Variants in WDR70 observed in about 807,000 individuals in gnomAD.
WDR70 encodes WD repeat domain 70.
In WDR70, 53 loss-of-function variants were observed where a neutral mutation model predicts 88.6. The ratio of observed to expected loss-of-function variants is 0.60; its 90% CI spans 0.48 to 0.75. The LOEUF is 0.75. Among genes scored for constraint, WDR70 ranks in the 30% least tolerant of loss-of-function variants. WDR70 has a pLI of 0.00. For synonymous variants in WDR70, 280 were observed against 270.0 expected, an observed-to-expected ratio of 1.04 and a Z score of -0.36; for missense variants, 610 against 823.2, an observed-to-expected ratio of 0.74 and a Z score of 3.17.
At chr5:37,746,331 T>G (rs934617546) in intron 17 of WDR70, among the ~76,000 whole-genome samples, 7 of 152,082 alleles carry the variant, frequency 4.6e-5, no homozygotes, top group African/African-American at 1.4e-4. Context: ...GCTAGAAAGA[T>G]CTCAAAACGA....
At chr5:37,603,873 A>G (rs930766752) in intron 9 of WDR70, among the ~76,000 whole-genome samples, 1 of 152,208 alleles carries the variant, frequency 6.6e-6, no homozygotes, top group African/African-American at 2.4e-5. Flanking sequence ...AAATTCTCTC[A>G]TCAAATAATA....
At chr5:37,750,579 A>G (rs1748775902) in intron 17 of WDR70, among the ~76,000 whole-genome samples, 1 of 152,128 alleles carries the variant, frequency 6.6e-6, no homozygotes, top group Non-Finnish European at 1.5e-5. Flanking sequence ...CCCAAATCTC[A>G]TCTTGAATTG....
intron 7 of WDR70, among the ~76,000 whole-genome samples, chr5:37,455,216 C>G (rs972924127): frequency 6.7e-6 from 1 of 150,176 alleles, no homozygotes; most frequent in African/African-American, 2.4e-5. Flanking sequence ...CTATTTAAGA[C>G]TATCACCTGT....
chr5:37,593,206 G>A (rs188228114), intron 9 of WDR70, among the ~76,000 whole-genome samples: 4 of 152,056 alleles, frequency 2.6e-5, no homozygotes, highest in East Asian at 1.9e-4. Flanking sequence ...CGTGCACAAC[G>A]TGCAGGTTTG....
chr5:37,688,731 A>G (rs1439967857), intron 10 of WDR70, among the ~76,000 whole-genome samples: 2 of 106,786 alleles, frequency 1.9e-5, no homozygotes, highest in Non-Finnish European at 4.4e-5. Context: ...ATGGCCAAAT[A>G]GGAACAGCTC....
chr5:37,603,374 A>G (rs990166346), intron 9 of WDR70, among the ~76,000 whole-genome samples: 38 of 152,236 alleles, frequency 2.5e-4, no homozygotes, highest in African/African-American at 9.2e-4. Context: ...CAGTCTCTTC[A>G]GTAAATGGTG....
chr5:37,530,336 A>C lies in WDR70; in HGVS notation c.917+13746A>C, dbSNP rs186520973. Reference sequence around the variant, plus strand: ...CCTGCTTCATAGAGTGATTTAGGGAAGATTCCCTCTTTCTCTATCCTGTGG... The same window carrying C: ...CCTGCTTCATAGAGTGATTTAGGGACGATTCCCTCTTTCTCTATCCTGTGG... On this transcript the variant is annotated intron_variant, in intron 9 of 17. Transcript: ENST00000265107. Among the ~76,000 whole-genome samples, 25 of 152,210 alleles carry C rather than the reference A, an allele frequency of 1.6e-4. 1 individual carries two copies. In the East Asian group the frequency reaches 4.0e-3, roughly 25 times the overall value.
rs183551964 is a variant in WDR70, at chr5:37,589,533, C to T, written c.918-15531C>T. On this transcript the variant is annotated intron_variant, in intron 9 of 17. Coordinates refer to ENST00000265107, the MANE Select transcript of WDR70 (RefSeq NM_018034.4). The stretch of plus-strand genomic sequence containing the variant: ...CTCTCCATGAAATGTAGCATTCTTT[C>T]CCTTCTTAATCAGCTACCAAACTGA... Among the ~76,000 whole-genome samples the T allele has an allele frequency of 2.5e-4, 38 of 152,052 alleles. No homozygotes were observed. In the East Asian group the frequency reaches 7.2e-3, roughly 29 times the overall value.
chr5:37,686,134 C>A (rs1399876902), intron 10 of WDR70, among the ~76,000 whole-genome samples: 1 of 150,054 alleles, frequency 6.7e-6, no homozygotes, highest in Non-Finnish European at 1.5e-5. Flanking sequence ...GAGACCACCC[C>A]CCGCCCCAGC....
chr5:37,608,412 C>A (rs576121016), intron 10 of WDR70, among the ~76,000 whole-genome samples: 2 of 152,194 alleles, frequency 1.3e-5, no homozygotes, highest in South Asian at 2.1e-4. Context: ...ACTGAAATTT[C>A]TTCTTCTCAG....
chr5:37,698,806 CT>C (rs769107857), intron 11 of WDR70, among the ~76,000 whole-genome samples: 4 of 152,134 alleles, frequency 2.6e-5, no homozygotes, highest in Non-Finnish European at 4.4e-5. Flanking sequence ...TTCAGATTCT[CT>C]TTAAGGAAAC....
At chr5:37,407,464 C>T (rs1749387526) in intron 5 of WDR70, among the ~76,000 whole-genome samples, 1 of 151,750 alleles carries the variant, frequency 6.6e-6, no homozygotes, top group South Asian at 2.1e-4. Flanking sequence ...GCGGAGGTTG[C>T]AACGAGCTAA....
At chr5:37,461,666 G>C (rs1450026411) in intron 7 of WDR70, among the ~76,000 whole-genome samples, 2 of 151,996 alleles carry the variant, frequency 1.3e-5, no homozygotes, top group African/African-American at 4.8e-5. Context: ...TGTATTTTTA[G>C]TAGAGATGGG....
At chr5:37,673,891 G>C (rs1353733527) in intron 10 of WDR70, among the ~76,000 whole-genome samples, 1 of 152,116 alleles carries the variant, frequency 6.6e-6, no homozygotes, top group African/African-American at 2.4e-5. Context: ...TCCTGCGTTA[G>C]TTTGCTAAGG....
At chr5:37,614,866 G>A (rs867882947) in intron 10 of WDR70, among the ~76,000 whole-genome samples, 12 of 152,174 alleles carry the variant, frequency 7.9e-5, no homozygotes, top group African/African-American at 2.6e-4. Context: ...AACAGAATAA[G>A]CAAGTCAGAG....
intron 2 of WDR70, among the ~76,000 whole-genome samples, chr5:37,380,734 T>A (rs1326649308): frequency 1.3e-5 from 2 of 152,062 alleles, no homozygotes; most frequent in East Asian, 3.9e-4. Flanking sequence ...TGCAGCCTCC[T>A]CCTCCCAGGC....
intron 9 of WDR70, among the ~76,000 whole-genome samples, chr5:37,555,801 C>T (rs1742279255): frequency 6.6e-6 from 1 of 152,136 alleles, no homozygotes; most frequent in South Asian, 2.1e-4. Flanking sequence ...TCACTGCAAC[C>T]TCCACCTCCT....
chr5:37,408,571 T>C (rs562084776), intron 5 of WDR70, among the ~76,000 whole-genome samples: 8 of 152,320 alleles, frequency 5.3e-5, no homozygotes, highest in African/African-American at 1.9e-4. Context: ...TAATAGTTTT[T>C]CTTTTTTGGA....
At position 37,730,101 on chromosome 5, in the gene WDR70, T is replaced by C. The variant is rs184475905; in HGVS notation, c.1877+3056T>C. On this transcript the variant is annotated intron_variant, in intron 17 of 17. Coordinates refer to ENST00000265107, the MANE Select transcript of WDR70 (RefSeq NM_018034.4). ...TTTGGTGAAGTGTAATTACAACATA[T>C]GAACACATGTATAGAGTAAAATGTC... Among the ~76,000 whole-genome samples the C allele has an allele frequency of 8.5e-5, 13 of 152,288 alleles. No homozygotes were observed. In the East Asian group the frequency reaches 2.5e-3, roughly 29 times the overall value.
Sources: gnomAD v4.1 joint callset for allele counts (sites outside exome capture counted in the v4.1 genomes callset) on GRCh38, gnomAD v4.1.1 for gene constraint, MANE v1.5 for transcripts, NCBI Gene and HGNC (gene_info 2026-07-23, HGNC 2026-07-21) for gene names.